SLC22A23: variants seen among roughly 807,000 people sequenced by gnomAD.
SLC22A23 encodes solute carrier family 22 member 23.
A neutral mutation model predicts 61.0 loss-of-function variants in SLC22A23; 26 were observed. That is an observed-to-expected ratio of 0.43 (90% CI 0.31 to 0.59). SLC22A23 has a LOEUF of 0.59. Ranked by LOEUF, SLC22A23 falls within the 20% of genes least tolerant of loss-of-function variation. The pLI, the probability that SLC22A23 is intolerant of heterozygous loss-of-function variation, is 0.11. For synonymous variants in SLC22A23, 430 were observed against 413.9 expected (o/e 1.04, Z -0.47); for missense variants, 796 against 934.7 (o/e 0.85, Z 1.94).
chr6:3,401,570 C>A (rs1443036620), intron 3 of SLC22A23, among the ~76,000 whole-genome samples: 1 of 152,206 alleles, frequency 6.6e-6, no homozygotes, highest in Non-Finnish European at 1.5e-5. Context: ...GCCACACTTA[C>A]CTCTGACCTA....
At chr6:3,388,563 C>T (rs557417064) in intron 3 of SLC22A23, among the ~76,000 whole-genome samples, 3 of 152,150 alleles carry the variant, frequency 2.0e-5, no homozygotes, top group South Asian at 2.1e-4. Flanking sequence ...TGGGTATATG[C>T]CTAAAACAAA....
intron 5 of SLC22A23, among the ~76,000 whole-genome samples, chr6:3,296,587 C>T (rs139188266): frequency 6.9e-4 from 105 of 152,288 alleles, no homozygotes; most frequent in African/African-American, 2.1e-3. Context: ...TCGTGTTTCT[C>T]GTCACTGTCC....
In SLC22A23 at chr6:3,454,859, A is replaced by G. The variant is rs191199060; in HGVS notation, c.654+1047T>C. ...CACACGGGGGGAGGAGGTTACATGC[A>G]CATTGACTATTTAAAACTGTCCAAT... is the stretch of plus-strand genomic sequence containing the variant. On this transcript the variant is annotated intron_variant, in intron 1 of 9. Transcript: ENST00000406686. The surrounding 1 kb of genome is among the most constrained non-coding windows in gnomAD (Gnocchi z 4.3). 1.0e-3 allele frequency among the ~76,000 whole-genome samples: 152 copies of G among 152,364 alleles called. No individual in the cohort carries two copies. Among genetic ancestry groups the G allele is most frequent in the Non-Finnish European group, 1.9e-3 (130 of 68,040 alleles).
chr6:3,436,379 G>A (rs1436313980), intron 1 of SLC22A23, among the ~76,000 whole-genome samples: 2 of 152,056 alleles, frequency 1.3e-5, no homozygotes, highest in African/African-American at 2.4e-5. Context: ...CAGGTGACCC[G>A]CCCACCTTGG....
intron 1 of SLC22A23, among the ~76,000 whole-genome samples, chr6:3,425,116 AATAC>A (rs1319823687): frequency 1.3e-5 from 2 of 152,064 alleles, no homozygotes; most frequent in African/African-American, 4.8e-5. Context: ...TTAAATAATT[AATAC>A]ATAATTATTA....
rs556348016 is a variant in SLC22A23, at chr6:3,277,368, C to T, written c.1704-3956G>A. On this transcript the variant is annotated intron_variant, in intron 9 of 9. Coordinates refer to ENST00000406686, the MANE Select transcript of SLC22A23 (RefSeq NM_015482.2). The stretch of plus-strand genomic sequence containing the variant: ...AAGCTGCTTCACACCCGCCCACCCT[C>T]ACCCTTCCAGGAACCTCTGCTCCTG... 2.6e-5 allele frequency among the ~76,000 whole-genome samples: 4 copies of T among 152,194 alleles called. No homozygotes were observed. In the South Asian group the frequency reaches 8.3e-4, roughly 32 times the overall value.
At chr6:3,453,291 T>C (rs984257837) in intron 1 of SLC22A23, among the ~76,000 whole-genome samples, 20 of 152,204 alleles carry the variant, frequency 1.3e-4, no homozygotes, top group Non-Finnish European at 2.5e-4. Context: ...CAAATAGGCA[T>C]GAGTTAACCT....
intron 1 of SLC22A23, among the ~76,000 whole-genome samples, chr6:3,434,181 T>G (rs1243058309): frequency 6.6e-6 from 1 of 151,078 alleles, no homozygotes; most frequent in Non-Finnish European, 1.5e-5. Context: ...GGTGTGGTGG[T>G]GCATGCCTGT....
rs747090476 is a variant in SLC22A23, at chr6:3,456,230, G to C, written c.330C>G (p.Ile110Met). ...ACGAGTCCGAGAACTGGCTGAAGCC[G>C]ATGAACAGCGCCGGGATCCAGGTGA... The part of the protein sequence containing the change: ...VLLTWIPALF[I>M]GFSQFSDSFL... Residue 110 changes from isoleucine (I) to methionine (M), a missense_variant, in exon 1 of 10, where the codon ATC becomes ATG. Ile to Met is a conservative substitution (Grantham distance 10, BLOSUM62 1). Transcript: ENST00000406686. The surrounding 1 kb of genome is among the most constrained non-coding windows in gnomAD (Gnocchi z 7.1). 2 of 1,551,346 alleles carry C rather than the reference G, an allele frequency of 1.3e-6. No homozygotes were observed. Among genetic ancestry groups the C allele is most frequent in the Non-Finnish European group, 1.7e-6 (2 of 1,146,872 alleles).
chr6:3,287,058 G>A lies in SLC22A23; in HGVS notation c.1347C>T (p.Ala449=), dbSNP rs1760081304. The A allele has an allele frequency of 1.2e-6, 2 of 1,614,098 alleles. No homozygotes were observed. Among genetic ancestry groups the A allele is most frequent in the Non-Finnish European group, 8.5e-7 (1 of 1,180,038 alleles). The change falls in exon 7 of 10, where the codon GCC becomes GCT. Residue 449 remains alanine (A), a synonymous_variant. Coordinates refer to ENST00000406686, the MANE Select transcript of SLC22A23 (RefSeq NM_015482.2). ...TCACCTCGTGGCCCATCATGCTCCT[G>A]GCAAAGCAGTGGTGGATCCCGTACC... ...LTGYGIHHCF[A]RSMMGHEVKV...
chr6:3,357,398 A>G (rs1765182453), intron 3 of SLC22A23, among the ~76,000 whole-genome samples: 1 of 152,220 alleles, frequency 6.6e-6, no homozygotes, highest in South Asian at 2.1e-4. Flanking sequence ...CGCCTTATCA[A>G]TTAGCATGAG....
chr6:3,431,509 C>A (rs991326038), intron 1 of SLC22A23, among the ~76,000 whole-genome samples: 20 of 152,236 alleles, frequency 1.3e-4, no homozygotes, highest in Non-Finnish European at 2.8e-4. Flanking sequence ...CCTCAATTAA[C>A]AGGTTGAAGT....
chr6:3,316,015 A>G (rs1762620802), intron 4 of SLC22A23, among the ~76,000 whole-genome samples: 1 of 152,158 alleles, frequency 6.6e-6, no homozygotes. Flanking sequence ...GCGTCTCAGG[A>G]GGCCTTCTTA....
intron 3 of SLC22A23, among the ~76,000 whole-genome samples, chr6:3,368,375 C>T (rs563737603): frequency 6.6e-6 from 1 of 152,284 alleles, no homozygotes; most frequent in South Asian, 2.1e-4. Context: ...CGGGAGGCCT[C>T]TGTAACTTTA....
rs897557977 is a variant in SLC22A23, at chr6:3,309,958, C to T, written c.1083-11740G>A. 6.6e-6 allele frequency among the ~76,000 whole-genome samples: 1 copy of T among 152,170 alleles called. No homozygotes were observed. The highest frequency in any genetic ancestry group is 2.4e-5 in the African/African-American group (1 of 41,448). On this transcript the variant is annotated intron_variant, in intron 4 of 9. Transcript: ENST00000406686. This position sits in a 1 kb window ranked among gnomAD's most constrained non-coding sequence, Gnocchi z 4.7. ...AGGCCCCTAAACCTGTGGAGTTTTC[C>T]TACATCACACCATGATTGCAGTATT...
intron 5 of SLC22A23, among the ~76,000 whole-genome samples, chr6:3,296,693 CT>C (rs1761126487): frequency 6.6e-6 from 1 of 152,146 alleles, no homozygotes; most frequent in Non-Finnish European, 1.5e-5. Context: ...GAAGCAAAAG[CT>C]TCAGGCGTCC....
chr6:3,375,960 TG>T (rs201281569), intron 3 of SLC22A23, among the ~76,000 whole-genome samples: 1,953 of 152,368 alleles, frequency 0.013, 19 homozygotes, highest in Non-Finnish European at 0.018. Flanking sequence ...TAAATTCATT[TG>T]GTGCCATGTG....
intron 3 of SLC22A23, among the ~76,000 whole-genome samples, chr6:3,343,821 C>T (rs1369201909): frequency 6.6e-6 from 1 of 152,124 alleles, no homozygotes; most frequent in Non-Finnish European, 1.5e-5. Context: ...AATACATACA[C>T]ACAAGAAGCA....
rs1181674742 is a variant in SLC22A23 at position 3,309,257 on chromosome 6, C to T, written c.1083-11039G>A. On this transcript the variant is annotated intron_variant, in intron 4 of 9. Coordinates refer to ENST00000406686, the MANE Select transcript of SLC22A23 (RefSeq NM_015482.2). This position sits in a 1 kb window ranked among gnomAD's most constrained non-coding sequence, Gnocchi z 4.7. The stretch of plus-strand genomic sequence containing the variant: ...TTTGCAGTGGACCAAGGTCGTGCCG[C>T]TGCACTCTAGCCTGGGCAACAGAGT... Among the ~76,000 whole-genome samples, 1 of 152,146 alleles carries T rather than the reference C, an allele frequency of 6.6e-6. No individual in the cohort carries two copies. Among genetic ancestry groups the T allele is most frequent in the Non-Finnish European group, 1.5e-5 (1 of 68,042 alleles).
Sources: gnomAD v4.1 joint callset for allele counts (sites outside exome capture counted in the v4.1 genomes callset) on GRCh38, gnomAD v4.1.1 for gene constraint, Gnocchi (gnomAD v3.1) non-coding constraint, MANE v1.5 for transcripts, NCBI Gene and HGNC (gene_info 2026-07-23, HGNC 2026-07-21) for gene names.